Variants in TXNRD1 observed in about 807,000 individuals in gnomAD.
The protein encoded by TXNRD1 is thioredoxin reductase 1, also known as thioredoxin reductase 1, cytoplasmic.
TXNRD1 carries 57 observed loss-of-function variants against 80.3 expected under a neutral mutation model. That is an observed-to-expected ratio of 0.71 (90% confidence interval 0.57 to 0.89). The LOEUF (loss-of-function observed/expected upper bound fraction) is 0.89. Ranked by LOEUF, TXNRD1 falls within the 40% of genes least tolerant of loss-of-function variation. The pLI is 0.00. For missense variants in TXNRD1, 730 were observed against 803.0 expected (o/e 0.91, Z 1.10); for synonymous variants, 291 against 285.2 (o/e 1.02, Z -0.20).
chr12:104,215,976 G>C (rs1397275498), intron 1 of TXNRD1, 83 bp downstream of exon 1: 2 of 1,222,664 alleles, frequency 1.6e-6, no homozygotes, highest in African/African-American at 1.5e-5. Context: ...AAAGTGCCCC[G>C]GAGCCCTGGC....
chr12:104,224,675 C>T lies in TXNRD1; in HGVS notation c.91+8782C>T, dbSNP rs529372705. The T allele has an allele frequency of 2.4e-3, 818 of 343,348 alleles. 12 individuals carry two copies. Among genetic ancestry groups the T allele is most frequent in the South Asian group, 0.013 (543 of 42,288 alleles). The allele number at this position is 343,348 out of a possible 1,614,324, so 21.3% of individuals were successfully genotyped here. On this transcript the variant is annotated intron_variant, in intron 1 of 16. Coordinates refer to ENST00000525566, the MANE Select transcript of TXNRD1 (RefSeq NM_001093771.3). Reference sequence around the variant, plus strand: ...CTGGGATTATAGGCATGAGCCACCGCACCTATAGCTGTCTTGTTTAGAGTT... The same window carrying T: ...CTGGGATTATAGGCATGAGCCACCGTACCTATAGCTGTCTTGTTTAGAGTT...
intron 12 of TXNRD1, among the ~76,000 whole-genome samples, chr12:104,326,758 G>A (rs905098876): frequency 2.0e-5 from 3 of 152,068 alleles, no homozygotes; most frequent in African/African-American, 7.2e-5. Context: ...GAGCCACTGT[G>A]CCTGGCCCAT....
chr12:104,298,582 G>A (rs774156850), intron 4 of TXNRD1, among the ~76,000 whole-genome samples: 18 of 151,994 alleles, frequency 1.2e-4, no homozygotes, highest in Non-Finnish European at 2.5e-4. Context: ...AACTTAGCTG[G>A]GCGCGGTGGC....
chr12:104,310,252 C>T lies in TXNRD1; in HGVS notation c.415-1038C>T, dbSNP rs34621559. On this transcript the variant is annotated intron_variant, in intron 4 of 16. Transcript: ENST00000525566. Reference sequence around the variant, plus strand: ...GCAACGTCTGCCTCCCGGGTTCAAGCGCTTCTCCTGCCTCAGCCTCCGGAG... The same window carrying T: ...GCAACGTCTGCCTCCCGGGTTCAAGTGCTTCTCCTGCCTCAGCCTCCGGAG... Among the ~76,000 whole-genome samples the T allele has an allele frequency of 4.7e-3, 712 of 152,108 alleles. 30 individuals are homozygous for T. The East Asian group carries it at 0.098, about 21-fold the overall frequency.
At chr12:104,239,213 G>C (rs1459222285) in intron 1 of TXNRD1, among the ~76,000 whole-genome samples, 1 of 143,126 alleles carries the variant, frequency 7.0e-6, no homozygotes, top group Non-Finnish European at 1.5e-5. Context: ...TTTTTTTTGA[G>C]ACGGAGTTTC....
intron 4 of TXNRD1, among the ~76,000 whole-genome samples, chr12:104,302,398 G>T (rs1213083462): frequency 6.6e-6 from 1 of 151,054 alleles, no homozygotes. Flanking sequence ...TTTTTTTTAA[G>T]GTGTACCTGT....
intron 4 of TXNRD1, among the ~76,000 whole-genome samples, chr12:104,305,487 C>A (rs1012888311): frequency 6.6e-6 from 1 of 152,074 alleles, no homozygotes; most frequent in African/African-American, 2.4e-5. Flanking sequence ...TTGTACTCAG[C>A]AAAAGTAGTG....
intron 1 of TXNRD1, among the ~76,000 whole-genome samples, chr12:104,218,707 G>A (rs1001428108): frequency 1.3e-5 from 2 of 150,092 alleles, no homozygotes; most frequent in Non-Finnish European, 3.0e-5. Flanking sequence ...AGCCTCAACC[G>A]CCTGGTCTTA....
intron 3 of TXNRD1, chr12:104,280,665 C>T (rs2033857545): frequency 6.6e-6 from 1 of 152,136 alleles, no homozygotes; most frequent in Non-Finnish European, 1.5e-5. Context: ...AAGCTAGTGA[C>T]CCTCCATAAT....
chr12:104,307,278 C>G (rs184911028), intron 4 of TXNRD1, among the ~76,000 whole-genome samples: 19 of 152,272 alleles, frequency 1.2e-4, no homozygotes, highest in Admixed American at 8.5e-4. Context: ...TAACATTATG[C>G]TAGTCTGTCT....
At position 104,287,102 on chromosome 12, in the gene TXNRD1, A is replaced by G. The variant is rs1475872105; in HGVS notation, c.305-1829A>G. On this transcript the variant is annotated intron_variant, in intron 3 of 16. Coordinates refer to ENST00000525566, the MANE Select transcript of TXNRD1 (RefSeq NM_001093771.3). ...AGGGCCTGATGTCTTCATCATTCTCAAATTCTTGTAAGCTCTGCGTCGGGT... is the reference window on the plus strand; with the variant it reads ...AGGGCCTGATGTCTTCATCATTCTCGAATTCTTGTAAGCTCTGCGTCGGGT... 4.1e-6 allele frequency: 6 copies of G among 1,453,800 alleles called. No individual in the cohort carries two copies. The Admixed American group carries it at 1.7e-4, about 40-fold the overall frequency. 90.1% of individuals were successfully genotyped at this position (1,453,800 alleles called of 1,614,324 possible). A position where few individuals can be genotyped will look rare whatever the true frequency, so the allele number is the denominator to read the frequency against.
At chr12:104,252,661 T>C (rs376240743) in intron 2 of TXNRD1, among the ~76,000 whole-genome samples, 2 of 58,588 alleles carry the variant, frequency 3.4e-5, no homozygotes, top group African/African-American at 7.8e-5. Flanking sequence ...TTTATTATTT[T>C]TTATATATAT....
chr12:104,316,300 G>C lies in TXNRD1; in HGVS notation c.730+404G>C, dbSNP rs548363157. 3.3e-4 allele frequency among the ~76,000 whole-genome samples: 50 copies of C among 151,684 alleles called. 2 individuals are homozygous for C. In the South Asian group the frequency reaches 0.01, roughly 31 times the overall value. On this transcript the variant is annotated intron_variant, in intron 7 of 16. Transcript: ENST00000525566. ...GGGGTGGGGGTTGTTTGTTCAGGAG[G>C]GGGTGGTTAGGCTTTGTTGGATTAA... is the stretch of plus-strand genomic sequence containing the variant.
intron 16 of TXNRD1, 124 bp from the exon 17 acceptor site, chr12:104,348,229 T>G: frequency 1.3e-6 from 1 of 777,836 alleles, no homozygotes; most frequent in South Asian, 1.6e-5. Context: ...ATACTACTTC[T>G]CTGTTTTATT....
chr12:104,239,870 T>C lies in TXNRD1; in HGVS notation c.92-11657T>C, dbSNP rs187171671. 6.8e-4 allele frequency among the ~76,000 whole-genome samples: 104 copies of C among 152,336 alleles called. 1 individual carries two copies. Among genetic ancestry groups the C allele is most frequent in the Admixed American group, 6.7e-3 (103 of 15,292 alleles). Reference sequence around the variant, plus strand: ...GATTATCTAATTCGTTGGCATATAATTGAATTTTTTATACTGTTAATATGA... The same window carrying C: ...GATTATCTAATTCGTTGGCATATAACTGAATTTTTTATACTGTTAATATGA... On this transcript the variant is annotated intron_variant, in intron 1 of 16. Transcript: ENST00000525566.
intron 16 of TXNRD1, chr12:104,345,925 G>A (rs1010338814): frequency 7.8e-7 from 1 of 1,277,916 alleles, no homozygotes; most frequent in Non-Finnish European, 1.0e-6. Flanking sequence ...GGGCATGGAG[G>A]CTGCCCCTTC....
rs943550088 is a variant in TXNRD1, at chr12:104,321,166, C to T, written c.1065C>T (p.Cys355=). The part of the protein sequence containing the change: ...VVGASYVALE[C]AGFLAGIGLD... The stretch of plus-strand genomic sequence containing the variant: ...GAGCATCCTATGTCGCTTTGGAGTG[C>T]GCTGGATTTCTTGCTGGTATTGGTT... The change falls in exon 10 of 17, where the codon TGC becomes TGT. Residue 355 remains cysteine, a synonymous_variant. Coordinates refer to ENST00000525566, the MANE Select transcript of TXNRD1 (RefSeq NM_001093771.3). The T allele has an allele frequency of 3.3e-5, 54 of 1,612,556 alleles. No homozygotes were observed. The highest frequency in any genetic ancestry group is 1.2e-4 in the Admixed American group (7 of 59,840).
chr12:104,327,908 C>T (rs949430321), intron 13 of TXNRD1, among the ~76,000 whole-genome samples: 1 of 151,788 alleles, frequency 6.6e-6, no homozygotes, highest in Non-Finnish European at 1.5e-5. Flanking sequence ...TGCCTGTAAT[C>T]CCAATACTTT....
chr12:104,282,118 A>G (rs1461199717), intron 3 of TXNRD1, among the ~76,000 whole-genome samples: 1 of 152,240 alleles, frequency 6.6e-6, no homozygotes, highest in Non-Finnish European at 1.5e-5. Flanking sequence ...TCTGAAGAAC[A>G]AAGAGAAGGT....
Sources: allele counts gnomAD v4.1 joint callset (sites outside exome capture counted in the v4.1 genomes callset), GRCh38; gene constraint gnomAD v4.1.1; transcripts MANE v1.5; gene names NCBI Gene and HGNC (gene_info 2026-07-23, HGNC 2026-07-21).